NLRP2: variants seen among roughly 807,000 people sequenced by gnomAD.
NLRP2 encodes NLR family pyrin domain containing 2, also known as NACHT, LRR and PYD domains-containing protein 2.
A neutral mutation model predicts 97.2 loss-of-function variants in NLRP2; 107 were observed. The ratio of observed to expected loss-of-function variants is 1.10; its 90% CI spans 0.94 to 1.29. The LOEUF (loss-of-function observed/expected upper bound fraction) is 1.29, where lower values mean the gene tolerates loss of function less well. Ranked by LOEUF, NLRP2 falls within the 50% of genes most tolerant of loss-of-function variation. NLRP2 has a pLI of 0.00. For missense variants in NLRP2, 1,495 were observed against 1,330.3 expected, an observed-to-expected ratio of 1.12 and a Z score of -1.93; for synonymous variants, 663 against 551.5, an observed-to-expected ratio of 1.20 and a Z score of -2.83.
At chr19:54,994,465 C>T (rs370554098) in intron 11 of NLRP2, 26 bp downstream of exon 11, 2 of 1,608,918 alleles carry the variant, frequency 1.2e-6, no homozygotes, top group Non-Finnish European at 1.7e-6. Flanking sequence ...AGTTCAACTT[C>T]CTATACTTAC....
At chr19:54,997,887 T>A (rs1269682318) in intron 12 of NLRP2, among the ~76,000 whole-genome samples, 1 of 150,726 alleles carries the variant, frequency 6.6e-6, no homozygotes, top group East Asian at 2.0e-4. Context: ...AGTTCCTGAG[T>A]AGGTAGGTTT....
At chr19:54,994,541 A>G in intron 11 of NLRP2, 102 bp downstream of exon 11, 1 of 1,216,396 alleles carries the variant, frequency 8.2e-7, no homozygotes, top group East Asian at 2.3e-5. Flanking sequence ...TATATAATTG[A>G]GAGGACCTTT....
chr19:54,989,717 C>T, intron 8 of NLRP2: 1 of 502,522 alleles, frequency 2.0e-6, no homozygotes, highest in South Asian at 2.1e-5. Flanking sequence ...GGCGCGGTGG[C>T]TCACGCCTGT....
chr19:54,983,245 C>A lies in NLRP2; in HGVS notation c.1547C>A (p.Thr516Asn). The A allele has an allele frequency of 6.2e-7, 1 of 1,613,742 alleles. No homozygotes were observed. The highest frequency in any genetic ancestry group is 1.1e-5 in the South Asian group (1 of 91,070). Reference sequence around the variant, plus strand: ...CAGTTTCTCACTGCCCTGTTCTACACCCTGGAGAAGGAGGAGGAAGAGGAT... The same window carrying A: ...CAGTTTCTCACTGCCCTGTTCTACAACCTGGAGAAGGAGGAGGAAGAGGAT... Reference protein sequence around the residue: ...FQQFLTALFYTLEKEEEEDRD... With the variant: ...FQQFLTALFYNLEKEEEEDRD... Residue 516 changes from threonine (T) to asparagine (N), a missense_variant, in exon 6 of 13, where the codon ACC (threonine) becomes AAC (asparagine). Coordinates refer to ENST00000448584, the MANE Select transcript of NLRP2 (RefSeq NM_017852.5).
rs768978792 is a variant in NLRP2 at position 54,983,220 on chromosome 19, C to T, written c.1522C>T (p.Gln508Ter). 1 of 1,613,884 alleles carries T rather than the reference C, an allele frequency of 6.2e-7. No individual in the cohort carries two copies. Among genetic ancestry groups the T allele is most frequent in the African/African-American group, 1.3e-5 (1 of 74,858 alleles). Residue 508 changes from glutamine (Q) to a stop codon, truncating the protein, a stop_gained, in exon 6 of 13, where the codon CAG becomes TAG. Coordinates refer to ENST00000448584, the MANE Select transcript of NLRP2 (RefSeq NM_017852.5). LOFTEE classifies it high-confidence loss of function. ...CTCCTTCATCCACCTCAGCTTCCAG[C>T]AGTTTCTCACTGCCCTGTTCTACAC... ...CYSFIHLSFQ[Q>*]FLTALFYTLE...
intron 8 of NLRP2, chr19:54,989,539 T>G (rs2072319075): frequency 4.3e-6 from 1 of 234,066 alleles, no homozygotes; most frequent in African/African-American, 2.3e-5. Flanking sequence ...TCAGATTGAC[T>G]AAGTTCTGTA....
At chr19:54,981,585 G>T in intron 4 of NLRP2, 32 bp from the exon 5 acceptor site, 1 of 1,124,504 alleles carries the variant, frequency 8.9e-7, no homozygotes, top group Non-Finnish European at 1.2e-6. Context: ...ACCTGATTTT[G>T]TGTCAATCTC....
rs778100213 is a variant in NLRP2 at position 54,970,005 on chromosome 19, C to T, written c.-11C>T. 1 of 1,612,860 alleles carries T rather than the reference C, an allele frequency of 6.2e-7. No homozygotes were observed. Among genetic ancestry groups the T allele is most frequent in the Non-Finnish European group, 8.5e-7 (1 of 1,179,954 alleles). Reference sequence around the variant, plus strand: ...CCCTTGATTGTCATCACAGCTCCCACGTGGGACAAGATGGTGTCTTCGGCG... The same window carrying T: ...CCCTTGATTGTCATCACAGCTCCCATGTGGGACAAGATGGTGTCTTCGGCG... On this transcript the variant is annotated 5_prime_UTR_variant, in exon 2 of 13. In the 5' UTR this introduces an upstream ATG that the reference lacks. Coordinates refer to ENST00000448584, the MANE Select transcript of NLRP2 (RefSeq NM_017852.5).
chr19:54,974,409 C>T, intron 2 of NLRP2, 91 bp from the exon 3 acceptor site: 1 of 908,722 alleles, frequency 1.1e-6, no homozygotes, highest in Non-Finnish European at 1.8e-6. Context: ...ACAAGTGATC[C>T]AGTTCTAAGT....
chr19:54,977,258 C>T (rs369626025), intron 3 of NLRP2, among the ~76,000 whole-genome samples: 1 of 151,920 alleles, frequency 6.6e-6, no homozygotes, highest in African/African-American at 2.4e-5. Flanking sequence ...CCTGTCTGTA[C>T]TAAAAATACA....
chr19:54,982,021 G>C, intron 5 of NLRP2, 141 bp from the exon 6 acceptor site: 1 of 1,006,018 alleles, frequency 9.9e-7, no homozygotes, highest in Admixed American at 1.8e-5. Flanking sequence ...CAGGTGATCT[G>C]CCTGCCTCGA....
In NLRP2 at chr19:54,982,964, C is replaced by G. The variant is rs762418467; in HGVS notation, c.1266C>G (p.Cys422Trp). ...AGGGGGAGGACCCGGTCCCCACCTG[C>G]CTCACCCGCACGGGGCTGTTCCTGC... ...MEKGEDPVPT[C>W]LTRTGLFLRF... Residue 422 changes from cysteine to tryptophan, a missense_variant, in exon 6 of 13, where the codon TGC becomes TGG. Physicochemically the swap from Cys to Trp is radical, Grantham distance 215 (BLOSUM62 -2). Coordinates refer to ENST00000448584, the MANE Select transcript of NLRP2 (RefSeq NM_017852.5). 1 of 1,611,998 alleles carries G rather than the reference C, an allele frequency of 6.2e-7. No individual in the cohort carries two copies. Among genetic ancestry groups the G allele is most frequent in the East Asian group, 2.2e-5 (1 of 44,848 alleles).
chr19:54,983,621 A>G lies in NLRP2; in HGVS notation c.1923A>G (p.Ser641=), dbSNP rs763662613. 1.9e-6 allele frequency: 3 copies of G among 1,614,078 alleles called. No homozygotes were observed. The highest frequency in any genetic ancestry group is 1.6e-4 in the Middle Eastern group (1 of 6,068). The change falls in exon 6 of 13, where the codon TCA becomes TCG. Residue 641 remains serine, a synonymous_variant. Coordinates refer to ENST00000448584, the MANE Select transcript of NLRP2 (RefSeq NM_017852.5). ...HLNAVDVVPS[S]FCVKHCRNLQ... is the part of the protein sequence containing the mutation. ...ATGCAGTAGACGTTGTGCCATCTTC[A>G]TTCTGCGTCAAGCACTGTCGAAACC...
At chr19:54,991,923 TA>T (rs1303406704) in intron 10 of NLRP2, among the ~76,000 whole-genome samples, 417 of 118,196 alleles carry the variant, frequency 3.5e-3, no homozygotes, top group Non-Finnish European at 5.9e-3. Flanking sequence ...ACATCTCTGG[TA>T]TTTTTTTTTT....
chr19:54,982,695 C>T lies in NLRP2; in HGVS notation c.997C>T (p.Leu333=). The change falls in exon 6 of 13, where the codon CTG becomes TTG. Residue 333 remains leucine (L), a synonymous_variant. Transcript: ENST00000448584. ...NRVMLPKAAL[L]VTTRPRALRD... ...GGTGATGTTACCCAAGGCCGCCCTG[C>T]TGGTCACCACGCGGCCCAGGGCCCT... 6.2e-7 allele frequency: 1 copy of T among 1,614,080 alleles called. No individual in the cohort carries two copies. Among genetic ancestry groups the T allele is most frequent in the Non-Finnish European group, 8.5e-7 (1 of 1,179,970 alleles).
At chr19:54,981,213 A>G (rs745984928) in intron 4 of NLRP2, among the ~76,000 whole-genome samples, 5 of 151,798 alleles carry the variant, frequency 3.3e-5, no homozygotes, top group Non-Finnish European at 7.4e-5. Flanking sequence ...TCTGTTGCCC[A>G]GGGTGGAGTG....
chr19:54,973,311 C>T (rs2070987241), intron 2 of NLRP2, among the ~76,000 whole-genome samples: 1 of 145,136 alleles, frequency 6.9e-6, no homozygotes, highest in Non-Finnish European at 1.5e-5. Context: ...CACTTTTTAG[C>T]ATAATGTTTC....
intron 12 of NLRP2, among the ~76,000 whole-genome samples, chr19:54,998,611 CTTTTTTTTTTTTTTTTTTCCTT>C (rs2072984725): frequency 7.1e-5 from 3 of 42,198 alleles, no homozygotes; most frequent in Non-Finnish European, 9.3e-5. Context: ...CATCTTTTTT[CTTTTTTTTTTTTTTTTTTCCTT>C]TTTTTTTTTT....
At position 54,990,079 on chromosome 19, in the gene NLRP2, A is replaced by G. The variant is rs61735087; in HGVS notation, c.2424A>G (p.Glu808=). ...GGGCTGATCTCTCCTTGGCCCTTGA[A>G]GTCAACCAGTCCCTGACGTGCGTAA... ...QQWADLSLAL[E]VNQSLTCVNL... Residue 808 remains glutamate (E), a synonymous_variant, in exon 9 of 13, where the codon GAA becomes GAG. Coordinates refer to ENST00000448584, the MANE Select transcript of NLRP2 (RefSeq NM_017852.5). 25,286 of 1,614,012 alleles carry G rather than the reference A, an allele frequency of 0.016. 259 individuals are homozygous for G. Among genetic ancestry groups the G allele is most frequent in the Non-Finnish European group, 0.019 (22,375 of 1,180,006 alleles).
Sources: allele counts gnomAD v4.1 joint callset (sites outside exome capture counted in the v4.1 genomes callset), GRCh38; gene constraint gnomAD v4.1.1; transcripts MANE v1.5; gene names NCBI Gene and HGNC (gene_info 2026-07-23, HGNC 2026-07-21).